Variants in CYP3A4 observed in about 807,000 individuals in gnomAD.
CYP3A4 encodes cytochrome P450 3A4.
Under a neutral mutation model 54.9 loss-of-function variants are expected in CYP3A4, and 41 were observed. That is an observed-to-expected ratio of 0.75 (90% CI 0.58 to 0.97). The LOEUF (loss-of-function observed/expected upper bound fraction) is 0.97, where lower values mean the gene tolerates loss of function less well. Among genes scored for constraint, CYP3A4 ranks in the 50% least tolerant of loss-of-function variants. The pLI is 0.00. For synonymous variants in CYP3A4, 179 were observed against 205.2 expected, an observed-to-expected ratio of 0.87 and a Z score of 1.09; for missense variants, 510 against 597.3, an observed-to-expected ratio of 0.85 and a Z score of 1.52.
At position 99,767,201 on chromosome 7, in the gene CYP3A4, C is replaced by G. The variant is rs777836175; in HGVS notation, c.728G>C (p.Arg243Thr). 1 of 1,611,102 alleles carries G rather than the reference C, an allele frequency of 6.2e-7. No individual in the cohort carries two copies. The highest frequency in any genetic ancestry group is 2.2e-5 in the East Asian group (1 of 44,736). The change falls in exon 8 of 13, where the codon AGA becomes ACA. Residue 243 changes from arginine to threonine, a missense_variant. Arg to Thr is a moderately conservative substitution (Grantham distance 71, BLOSUM62 -1). Transcript: ENST00000651514. ...LEVLNICVFP[R>T]EVTNFLRKSV... ...TTTTCTTAAAAAATTTGTAACTTCT[C>G]TTGGAAACACACAGATATTTAATAC... is the stretch of plus-strand genomic sequence containing the variant.
intron 12 of CYP3A4, among the ~76,000 whole-genome samples, chr7:99,760,530 A>G (rs1348540829): frequency 1.3e-5 from 2 of 152,212 alleles, no homozygotes; most frequent in Admixed American, 6.5e-5. Context: ...ATACTTCCCC[A>G]TCTTTCCAAT....
At chr7:99,764,060 G>C (rs1815418097) in intron 9 of CYP3A4, 45 bp from the exon 10 acceptor site, 1 of 1,612,310 alleles carries the variant, frequency 6.2e-7, no homozygotes, top group Admixed American at 1.7e-5. Context: ...GATCAATGTA[G>C]GGCATCACAG....
In CYP3A4 at chr7:99,762,191, G is replaced by A. The variant is rs1815354518; in HGVS notation, c.1103C>T (p.Pro368Leu). 2.5e-6 allele frequency: 4 copies of A among 1,613,904 alleles called. No individual in the cohort carries two copies. The highest frequency in any genetic ancestry group is 1.1e-5 in the South Asian group (1 of 91,062). ...MVVNETLRLFPIAMRLERVCK... is the reference protein window; with the variant it reads ...MVVNETLRLFLIAMRLERVCK... ...GACCCTCTCAAGTCTCATAGCAATT[G>A]GGAATAATCTGAGCGTTTCATTCAC... The change falls in exon 11 of 13, where the codon CCA (proline) becomes CTA (leucine). Residue 368 changes from proline to leucine, a missense_variant. By Grantham distance (98) the Pro-to-Leu change is moderately conservative. Around this residue, in one of 2 missense-constraint regions of CYP3A4, gnomAD observed 238 missense variants for 322.5 expected, o/e 0.74. Transcript: ENST00000651514.
intron 8 of CYP3A4, 71 bp downstream of exon 8, chr7:99,767,060 T>C: frequency 7.0e-7 from 1 of 1,421,846 alleles, no homozygotes; most frequent in Non-Finnish European, 9.7e-7. Flanking sequence ...GTAACTGCAC[T>C]GATCATATGT....
In CYP3A4 at chr7:99,774,369, C is replaced by G. The variant is rs1270030228; in HGVS notation, c.219-1680G>C. On this transcript the variant is annotated intron_variant, in intron 3 of 12. Coordinates refer to ENST00000651514, the MANE Select transcript of CYP3A4 (RefSeq NM_017460.6). Reference sequence around the variant, plus strand: ...AGGCCAGTATCTCCTGATACCAAAGCCTGACAGAGACACAACAAAAAAAGA... The same window carrying G: ...AGGCCAGTATCTCCTGATACCAAAGGCTGACAGAGACACAACAAAAAAAGA... 3.3e-5 allele frequency among the ~76,000 whole-genome samples: 5 copies of G among 152,252 alleles called. No individual in the cohort carries two copies. In the East Asian group the frequency reaches 7.7e-4, roughly 24 times the overall value.
At chr7:99,768,652 CAGA>C (rs1815545136) in intron 6 of CYP3A4, 150 bp from the exon 7 acceptor site, 2 of 1,485,426 alleles carry the variant, frequency 1.3e-6, no homozygotes, top group African/African-American at 2.8e-5. Context: ...CACACTCCAT[CAGA>C]AGGTGTTATC....
At chr7:99,771,156 T>A (rs1815625056) in intron 4 of CYP3A4, among the ~76,000 whole-genome samples, 1 of 151,600 alleles carries the variant, frequency 6.6e-6, no homozygotes, top group Non-Finnish European at 1.5e-5. Context: ...GCATACAGAT[T>A]GGAAAGGAAA....
intron 4 of CYP3A4, 117 bp downstream of exon 4, chr7:99,772,473 T>G: frequency 4.0e-6 from 5 of 1,262,184 alleles, no homozygotes; most frequent in Non-Finnish European, 5.6e-6. Context: ...GGGGACAGGA[T>G]GAAGTGGACG....
chr7:99,767,173 A>G lies in CYP3A4; in HGVS notation c.756T>C (p.Ser252=). Residue 252 remains serine, a synonymous_variant, in exon 8 of 13, where the codon TCT becomes TCC. Coordinates refer to ENST00000651514, the MANE Select transcript of CYP3A4 (RefSeq NM_017460.6). The part of the protein sequence containing the change: ...PREVTNFLRK[S]VKRMKESRLE... ...GGCGACTTTCTTTCATCCTTTTTAC[A>G]GATTTTCTTAAAAAATTTGTAACTT... The G allele has an allele frequency of 6.2e-7, 1 of 1,612,040 alleles. No individual in the cohort carries two copies. The highest frequency in any genetic ancestry group is 8.5e-7 in the Non-Finnish European group (1 of 1,178,996).
intron 3 of CYP3A4, among the ~76,000 whole-genome samples, chr7:99,775,851 T>C (rs1469603810): frequency 6.6e-6 from 1 of 152,086 alleles, no homozygotes; most frequent in Non-Finnish European, 1.5e-5. Context: ...TGGGATATGA[T>C]TAAACTAAAG....
At chr7:99,758,494 A>G (rs1463575733) in intron 12 of CYP3A4, among the ~76,000 whole-genome samples, 1 of 152,220 alleles carries the variant, frequency 6.6e-6, no homozygotes, top group South Asian at 2.1e-4. Flanking sequence ...AGCATTCATC[A>G]TCTATCATTT....
At chr7:99,766,585 G>T in intron 8 of CYP3A4, 142 bp from the exon 9 acceptor site, 1 of 988,362 alleles carries the variant, frequency 1.0e-6, no homozygotes, top group Non-Finnish European at 1.5e-6. Context: ...TGAATCACCA[G>T]TGAAAAACAT....
At position 99,782,864 on chromosome 7, in the gene CYP3A4, A is replaced by G. The variant is rs549315528; in HGVS notation, c.71+1147T>C. Among the ~76,000 whole-genome samples, 17 of 152,314 alleles carry G rather than the reference A, an allele frequency of 1.1e-4. No homozygotes were observed. The South Asian group carries it at 2.3e-3, about 20-fold the overall frequency. On this transcript the variant is annotated intron_variant, in intron 1 of 12. Coordinates refer to ENST00000651514, the MANE Select transcript of CYP3A4 (RefSeq NM_017460.6). ...AAAGATATATGCAATCTTGTCATAG[A>G]GTTATACATTTGTGCATTAGATTCA... is the stretch of plus-strand genomic sequence containing the variant.
chr7:99,778,006 TG>T (rs1563045090), intron 3 of CYP3A4, 21 bp downstream of exon 3: 1 of 1,602,110 alleles, frequency 6.2e-7, no homozygotes, highest in Admixed American at 1.7e-5. Context: ...GTCTATCCAA[TG>T]GAAGTTTCCA....
intron 3 of CYP3A4, 119 bp downstream of exon 3, chr7:99,777,909 G>A (rs1004376792): frequency 2.5e-6 from 2 of 785,860 alleles, no homozygotes; most frequent in African/African-American, 3.5e-5. Context: ...CTCTCTGTTT[G>A]TAGTTAGGTT....
At chr7:99,781,270 A>G (rs1815917845) in intron 1 of CYP3A4, among the ~76,000 whole-genome samples, 1 of 152,202 alleles carries the variant, frequency 6.6e-6, no homozygotes, top group African/African-American at 2.4e-5. Context: ...CTTTCTGTAC[A>G]GCCTGCAGAA....
intron 1 of CYP3A4, among the ~76,000 whole-genome samples, chr7:99,781,982 G>T (rs1306489966): frequency 6.6e-6 from 1 of 152,244 alleles, no homozygotes; most frequent in African/African-American, 2.4e-5. Context: ...ATGTTTGGGG[G>T]ACCCAGCAGA....
chr7:99,763,808 G>A lies in CYP3A4; in HGVS notation c.1026+47C>T, dbSNP rs4986912. 174 of 1,605,736 alleles carry A rather than the reference G, an allele frequency of 1.1e-4. No individual in the cohort carries two copies. The African/African-American group carries it at 2.0e-3, about 18-fold the overall frequency. On this transcript the variant is annotated intron_variant, in intron 10 of 12. Coordinates refer to ENST00000651514, the MANE Select transcript of CYP3A4 (RefSeq NM_017460.6). ...TGGGAAGTGGTGAGGAGGCATTTTT[G>A]CTAAGGTTTCACCTCCTCCCTCCTT...
chr7:99,769,479 A>G, intron 6 of CYP3A4: 4 of 406,784 alleles, frequency 9.8e-6, no homozygotes, highest in Non-Finnish European at 1.4e-5. Flanking sequence ...GTACAATCAC[A>G]CTTTTTCCCC....
Sources: allele counts gnomAD v4.1 joint callset (sites outside exome capture counted in the v4.1 genomes callset), GRCh38; gene constraint gnomAD v4.1.1; regional missense constraint gnomAD v4.1.1; transcripts MANE v1.5; gene names NCBI Gene and HGNC (gene_info 2026-07-23, HGNC 2026-07-21).